ANK3: variants seen among roughly 807,000 people sequenced by gnomAD.
The protein encoded by ANK3 is ankyrin-3.
ANK3 carries 57 observed loss-of-function variants against 370.9 expected under a neutral mutation model. The ratio of observed to expected loss-of-function variants is 0.15; its 90% CI spans 0.12 to 0.19. The LOEUF is 0.19. ANK3 is among the 10% of genes least tolerant of loss of function. The pLI is 1.00. For missense variants in ANK3, 4,439 were observed against 5,302.1 expected (o/e 0.84, Z 5.06); for synonymous variants, 1,929 against 1,946.3 (o/e 0.99, Z 0.23).
chr10:60,092,849 T>C (rs2088945038), intron 28 of ANK3, among the ~76,000 whole-genome samples: 2 of 152,286 alleles, frequency 1.3e-5, no homozygotes, highest in South Asian at 4.1e-4. Flanking sequence ...AATTCTTCTG[T>C]CTCAGCCTCC....
chr10:60,671,921 A>G (rs1191895297), intron 1 of ANK3, among the ~76,000 whole-genome samples: 1 of 152,220 alleles, frequency 6.6e-6, no homozygotes. Context: ...TCTCTGGGTC[A>G]TGTATGCAGA....
intron 2 of ANK3, among the ~76,000 whole-genome samples, chr10:60,532,646 G>A (rs1394190784): frequency 6.6e-6 from 1 of 152,020 alleles, no homozygotes; most frequent in Non-Finnish European, 1.5e-5. Flanking sequence ...TGGGGGTCGT[G>A]GTGATCATTT....
At chr10:60,395,564 C>CTTTCT (rs1555367098) in intron 2 of ANK3, among the ~76,000 whole-genome samples, 117 of 101,758 alleles carry the variant, frequency 1.1e-3, no homozygotes, top group African/African-American at 3.4e-3. Flanking sequence ...TTCTTTCTTT[C>CTTTCT]TTTCTTTCTT....
intron 42 of ANK3, chr10:60,053,832 A>G: frequency 4.4e-6 from 4 of 910,284 alleles, no homozygotes; most frequent in Non-Finnish European, 5.9e-6. Context: ...GATACATCCT[A>G]AACATCTTTG....
At chr10:60,288,627 A>G (rs2040578764) in intron 1 of ANK3, among the ~76,000 whole-genome samples, 2 of 152,166 alleles carry the variant, frequency 1.3e-5, no homozygotes, top group African/African-American at 4.8e-5. Context: ...TCTCTATGCA[A>G]AGGGGATTCC....
At chr10:60,199,446 C>T (rs747813258) in intron 13 of ANK3, among the ~76,000 whole-genome samples, 14 of 152,044 alleles carry the variant, frequency 9.2e-5, no homozygotes, top group African/African-American at 1.7e-4. Context: ...AAAGCAGAAA[C>T]GAATAGGTGC....
In ANK3 at chr10:60,468,997, GTATA is replaced by G. The variant is rs71015794; in HGVS notation, c.96+146185_96+146188del. Among the ~76,000 whole-genome samples the G allele has an allele frequency of 2.6e-4, 6 of 23,250 alleles. 1 individual carries two copies. The highest frequency in any genetic ancestry group is 0.062 in the Middle Eastern group (2 of 32). 15.3% of individuals were successfully genotyped at this position (23,250 alleles called of 152,430 possible). A position where few individuals can be genotyped will look rare whatever the true frequency, so the allele number is the denominator to read the frequency against. On this transcript the variant is annotated intron_variant, in intron 2 of 43. Transcript: ENST00000373827. ...ACTATATATATACCACTTTTAGTGT[GTATA>G]TATATATATATATATATACCACTTT... is the stretch of plus-strand genomic sequence containing the variant.
chr10:60,368,322 T>C (rs1316248870), intron 1 of ANK3, among the ~76,000 whole-genome samples: 3 of 152,144 alleles, frequency 2.0e-5, no homozygotes, highest in Non-Finnish European at 4.4e-5. Context: ...TCACATTTCA[T>C]GCAACGGCAC....
chr10:60,043,071 C>T lies in ANK3; in HGVS notation c.13066-312G>A, dbSNP rs147123483. ...AAGCTAAAAGAAATCAGCACCACAGCTCACAAGGCAGCAGAATTGTAAACA... is the reference window on the plus strand; with the variant it reads ...AAGCTAAAAGAAATCAGCACCACAGTTCACAAGGCAGCAGAATTGTAAACA... On this transcript the variant is annotated intron_variant, in intron 42 of 43. Coordinates refer to ENST00000280772, the MANE Select transcript of ANK3 (RefSeq NM_020987.5). The T allele has an allele frequency of 7.7e-3, 8,603 of 1,118,934 alleles. 45 individuals carry two copies. Among genetic ancestry groups the T allele is most frequent in the Non-Finnish European group, 8.7e-3 (7,952 of 916,198 alleles). The allele number at this position is 1,118,934 out of a possible 1,614,324, so 69.3% of individuals were successfully genotyped here.
At chr10:60,369,794 G>C (rs1023366628) in intron 1 of ANK3, among the ~76,000 whole-genome samples, 1 of 152,086 alleles carries the variant, frequency 6.6e-6, no homozygotes, top group African/African-American at 2.4e-5. Flanking sequence ...TATCACGTTA[G>C]ATATCTGTTT....
intron 8 of ANK3, among the ~76,000 whole-genome samples, chr10:60,217,852 G>A (rs772546266): frequency 3.9e-5 from 6 of 152,128 alleles, no homozygotes; most frequent in Non-Finnish European, 8.8e-5. Flanking sequence ...CTGAGAATGG[G>A]ATGTTAAAGT....
intron 1 of ANK3, among the ~76,000 whole-genome samples, chr10:60,646,228 G>A (rs1206727364): frequency 6.6e-6 from 1 of 152,156 alleles, no homozygotes; most frequent in Non-Finnish European, 1.5e-5. Context: ...GATTGACGTG[G>A]CAACATTAAT....
At chr10:60,057,145 A>G (rs1297900658) in intron 41 of ANK3, among the ~76,000 whole-genome samples, 4 of 152,064 alleles carry the variant, frequency 2.6e-5, no homozygotes, top group Non-Finnish European at 5.9e-5. Context: ...CTTTACTTGA[A>G]TCTCATTTTT....
chr10:60,689,904 T>G (rs2079326679), intron 1 of ANK3, among the ~76,000 whole-genome samples: 1 of 152,130 alleles, frequency 6.6e-6, no homozygotes, highest in African/African-American at 2.4e-5. Context: ...TTATATGATG[T>G]TTGAAACATA....
At chr10:60,554,304 C>A (rs2077159044) in intron 2 of ANK3, among the ~76,000 whole-genome samples, 1 of 152,084 alleles carries the variant, frequency 6.6e-6, no homozygotes, top group African/African-American at 2.4e-5. Context: ...TGTAATCTCC[C>A]TGAGAACAGG....
In ANK3 at chr10:60,409,559, C is replaced by T. The variant is rs1348630697; in HGVS notation, c.97-129920G>A. On this transcript the variant is annotated intron_variant, in intron 2 of 43. Coordinates refer to the ANK3 transcript ENST00000373827. ...CAAAGTAGCTTTTGCAGAAGAGTTC[C>T]TTTTGCAAAAGGAGTCGGGCTCCTT... 2.0e-5 allele frequency among the ~76,000 whole-genome samples: 3 copies of T among 152,114 alleles called. No individual in the cohort carries two copies. The East Asian group carries it at 5.8e-4, about 29-fold the overall frequency.
intron 23 of ANK3, among the ~76,000 whole-genome samples, chr10:60,148,713 T>C (rs1450535980): frequency 6.6e-6 from 1 of 152,188 alleles, no homozygotes; most frequent in Non-Finnish European, 1.5e-5. Flanking sequence ...ACTTATACTG[T>C]TCTCATTATC....
rs115487993 is a variant in ANK3 at position 60,542,766 on chromosome 10, A to G, written c.96+72420T>C. Among the ~76,000 whole-genome samples the G allele has an allele frequency of 3.9e-3, 593 of 152,056 alleles. 5 individuals carry two copies. Among genetic ancestry groups the G allele is most frequent in the Middle Eastern group, 0.027 (8 of 294 alleles). On this transcript the variant is annotated intron_variant, in intron 2 of 43. Coordinates refer to the ANK3 transcript ENST00000373827. ...AAATCTCACCTTTCTAAAGGTTAAG[A>G]TTCCCATTCATTCTCTGAGTCATTA...
At chr10:60,503,897 G>A (rs932630209) in intron 2 of ANK3, among the ~76,000 whole-genome samples, 10 of 152,046 alleles carry the variant, frequency 6.6e-5, no homozygotes, top group African/African-American at 1.4e-4. Context: ...TTATATATGC[G>A]TTATTTTTCC....
Sources: allele counts gnomAD v4.1 joint callset (sites outside exome capture counted in the v4.1 genomes callset), GRCh38; gene constraint gnomAD v4.1.1; transcripts MANE v1.5; gene names NCBI Gene and HGNC (gene_info 2026-07-23, HGNC 2026-07-21).